The following CDH2 variants were observed in gnomAD, a reference collection of about 807,000 sequenced individuals.
The protein encoded by CDH2 is cadherin 2, also known as cadherin-2.
CDH2 carries 17 observed loss-of-function variants against 92.0 expected under a neutral mutation model. The ratio of observed to expected loss-of-function variants is 0.18; its 90% CI spans 0.13 to 0.28. CDH2 has a LOEUF of 0.28. Among genes scored for constraint, CDH2 ranks in the 10% least tolerant of loss-of-function variants. The pLI is 1.00. For synonymous variants in CDH2, 419 were observed against 415.9 expected, an observed-to-expected ratio of 1.01 and a Z score of -0.09; for missense variants, 862 against 1,133.1, an observed-to-expected ratio of 0.76 and a Z score of 3.44.
chr18:28,153,850 C>G (rs188209342), intron 1 of CDH2, among the ~76,000 whole-genome samples: 1 of 152,188 alleles, frequency 6.6e-6, no homozygotes, highest in Non-Finnish European at 1.5e-5. Flanking sequence ...TGGGGCAACA[C>G]GAATCCAACT....
intron 14 of CDH2, among the ~76,000 whole-genome samples, chr18:27,978,613 G>C (rs1034478635): frequency 2.0e-4 from 5 of 24,880 alleles, no homozygotes; most frequent in East Asian, 2.0e-3. Flanking sequence ...TATGTAGTTG[G>C]GGGGGGGGAT....
At position 28,045,267 on chromosome 18, in the gene CDH2, G is replaced by C. The variant is rs1599059218; in HGVS notation, c.173-31358C>G. On this transcript the variant is annotated intron_variant, in intron 2 of 15. Coordinates refer to ENST00000269141, the MANE Select transcript of CDH2 (RefSeq NM_001792.5). ...ACCTCTTATGAGGCCTCTAGTAATA[G>C]CTTCCTAACTGAGCTAGTTTGTCCT... The C allele has an allele frequency of 3.0e-5, 10 of 338,228 alleles. No homozygotes were observed. The East Asian group carries it at 7.3e-4, about 25-fold the overall frequency. The allele number at this position is 338,228 out of a possible 1,614,324, so 21.0% of individuals were successfully genotyped here.
At chr18:28,135,783 G>C (rs1237660925) in intron 2 of CDH2, among the ~76,000 whole-genome samples, 2 of 152,106 alleles carry the variant, frequency 1.3e-5, no homozygotes, top group African/African-American at 4.8e-5. Context: ...CATCTGTGTT[G>C]AGATTTTTCT....
At position 28,156,774 on chromosome 18, in the gene CDH2, A is replaced by AATGTCACCTTCCCAGGTATAGC. The variant is rs1411149143; in HGVS notation, c.61-9012_61-8991dup. On this transcript the variant is annotated intron_variant, in intron 1 of 15. Coordinates refer to ENST00000269141, the MANE Select transcript of CDH2 (RefSeq NM_001792.5). ...TAGCATGTCACCTTCCCAGGTACAGAATGTCACCTTCCCAGGTATAGCATG... is the reference window on the plus strand; with the variant it reads ...TAGCATGTCACCTTCCCAGGTACAGAATGTCACCTTCCCAGGTATAGCATGTCACCTTCCCAGGTATAGCATG... Among the ~76,000 whole-genome samples, 3 of 112,770 alleles carry AATGTCACCTTCCCAGGTATAGC rather than the reference A, an allele frequency of 2.7e-5. 1 individual carries two copies. The highest frequency in any genetic ancestry group is 1.1e-4 in the African/African-American group (3 of 28,548). 74.0% of individuals were successfully genotyped at this position (112,770 alleles called of 152,430 possible).
intron 2 of CDH2, among the ~76,000 whole-genome samples, chr18:28,035,414 T>C (rs2013801251): frequency 6.6e-6 from 1 of 152,050 alleles, no homozygotes; most frequent in African/African-American, 2.4e-5. Context: ...ATTGTTTCTC[T>C]TGGTGTTTTC....
intron 2 of CDH2, among the ~76,000 whole-genome samples, chr18:28,088,604 T>C (rs11564398): frequency 0.21 from 31,643 of 151,972 alleles, 3,816 homozygotes; most frequent in Non-Finnish European, 0.27. Context: ...CTGGGGCCTA[T>C]GTAAGTCTGT....
chr18:28,113,732 A>G (rs2015450442), intron 2 of CDH2, among the ~76,000 whole-genome samples: 1 of 152,098 alleles, frequency 6.6e-6, no homozygotes, highest in Non-Finnish European at 1.5e-5. Flanking sequence ...ATTAGCTCTG[A>G]AAAAAAGACA....
At chr18:28,043,142 T>C (rs2013981492) in intron 2 of CDH2, among the ~76,000 whole-genome samples, 1 of 152,038 alleles carries the variant, frequency 6.6e-6, no homozygotes, top group African/African-American at 2.4e-5. Context: ...AATAATGGCC[T>C]TTGCAGCAAC....
downstream of CDH2, among the ~76,000 whole-genome samples, chr18:27,947,252 A>G (rs1909290400): frequency 6.6e-6 from 1 of 151,822 alleles, no homozygotes; most frequent in Non-Finnish European, 1.5e-5. Context: ...GCAGTAAAGT[A>G]TCACTAGAAA....
intron 2 of CDH2, among the ~76,000 whole-genome samples, chr18:28,098,201 G>A (rs1312111298): frequency 6.6e-6 from 1 of 152,068 alleles, no homozygotes; most frequent in African/African-American, 2.4e-5. Flanking sequence ...ACACAGATAT[G>A]ACAATTACAT....
chr18:28,097,215 G>A (rs999182163), intron 2 of CDH2: 4 of 152,058 alleles, frequency 2.6e-5, no homozygotes, highest in Admixed American at 1.3e-4. Context: ...GAATCAATGT[G>A]TATTTGTGTT....
chr18:28,096,436 A>G (rs1015344668), intron 2 of CDH2, among the ~76,000 whole-genome samples: 6 of 151,432 alleles, frequency 4.0e-5, no homozygotes, highest in Non-Finnish European at 7.4e-5. Context: ...ATAACACACA[A>G]TGATGAAGTA....
At chr18:28,135,252 T>C (rs965900157) in intron 2 of CDH2, among the ~76,000 whole-genome samples, 2 of 152,202 alleles carry the variant, frequency 1.3e-5, no homozygotes, top group African/African-American at 4.8e-5. Context: ...GTAAAGTGTC[T>C]CTTACAAATA....
chr18:27,971,904 A>G (rs959429009), intron 14 of CDH2, among the ~76,000 whole-genome samples: 3 of 152,210 alleles, frequency 2.0e-5, no homozygotes, highest in Admixed American at 2.0e-4. Flanking sequence ...ATTTCAAGCA[A>G]TCAAATATAC....
chr18:27,947,799 TG>T (rs199738755), downstream of CDH2, among the ~76,000 whole-genome samples: 1,063 of 151,998 alleles, frequency 7.0e-3, 16 homozygotes, highest in African/African-American at 0.024. Context: ...TAAGTATATG[TG>T]ATGTAAGTAT....
At chr18:28,024,061 A>G (rs1408835969) in intron 2 of CDH2, among the ~76,000 whole-genome samples, 1 of 146,476 alleles carries the variant, frequency 6.8e-6, no homozygotes, top group Non-Finnish European at 1.5e-5. Context: ...TCTCATAAAG[A>G]AGGATTCTTA....
At chr18:28,035,299 T>C (rs939190004) in intron 2 of CDH2, among the ~76,000 whole-genome samples, 1 of 152,162 alleles carries the variant, frequency 6.6e-6, no homozygotes, top group African/African-American at 2.4e-5. Flanking sequence ...AGGTTCAGAG[T>C]CATTTGCTTT....
At chr18:28,105,217 T>C (rs965425083) in intron 2 of CDH2, among the ~76,000 whole-genome samples, 4 of 152,222 alleles carry the variant, frequency 2.6e-5, no homozygotes, top group Non-Finnish European at 5.9e-5. Flanking sequence ...AGTTCATAAA[T>C]ATTCCATAAT....
chr18:28,031,190 T>C (rs998405182), intron 2 of CDH2, among the ~76,000 whole-genome samples: 11 of 151,812 alleles, frequency 7.2e-5, no homozygotes, highest in Non-Finnish European at 1.6e-4. Context: ...CCTCCTCCTG[T>C]ACAACCAACT....
Sources: gnomAD v4.1 joint callset for allele counts (sites outside exome capture counted in the v4.1 genomes callset) on GRCh38, gnomAD v4.1.1 for gene constraint, MANE v1.5 for transcripts, NCBI Gene and HGNC (gene_info 2026-07-23, HGNC 2026-07-21) for gene names.